Variants in ATP8A2 observed in about 807,000 individuals in gnomAD.
The protein encoded by ATP8A2 is ATPase phospholipid transporting 8A2, also known as phospholipid-transporting ATPase IB.
A neutral mutation model predicts 165.6 loss-of-function variants in ATP8A2; 100 were observed. The observed-to-expected ratio is 0.60, with a 90% CI of 0.51 to 0.71. ATP8A2 has a LOEUF of 0.71. Ranked by LOEUF, ATP8A2 falls within the 30% of genes least tolerant of loss-of-function variation. ATP8A2 has a pLI of 0.00. For synonymous variants in ATP8A2, 543 were observed against 548.8 expected (o/e 0.99, Z 0.15); for missense variants, 1,227 against 1,479.5 (o/e 0.83, Z 2.80).
intron 24 of ATP8A2, among the ~76,000 whole-genome samples, chr13:25,607,417 C>T (rs532949275): frequency 3.9e-5 from 6 of 152,176 alleles, no homozygotes; most frequent in Non-Finnish European, 7.3e-5. Flanking sequence ...CCCCTCGACT[C>T]ATATTGGGTT....
rs186297770 is a variant in ATP8A2 at position 25,433,944 on chromosome 13, T to A, written c.77-35033T>A. On this transcript the variant is annotated intron_variant, in intron 1 of 36. Transcript: ENST00000381655. ...CAGTGGGTACACATGGACATAAAGA[T>A]GGAAATAATAGATTCTGGGGGCTCC... is the stretch of plus-strand genomic sequence containing the variant. 3.6e-4 allele frequency among the ~76,000 whole-genome samples: 55 copies of A among 152,146 alleles called. No individual in the cohort carries two copies. In the South Asian group the frequency reaches 6.2e-3, roughly 17 times the overall value.
intron 24 of ATP8A2, among the ~76,000 whole-genome samples, chr13:25,652,288 G>A (rs8001943): frequency 0.035 from 5,311 of 152,138 alleles, 291 homozygotes; most frequent in African/African-American, 0.12. Flanking sequence ...TTGTTCCAGC[G>A]CCATTCATTG....
intron 27 of ATP8A2, among the ~76,000 whole-genome samples, chr13:25,805,246 C>T (rs1419330402): frequency 1.3e-5 from 2 of 151,992 alleles, no homozygotes; most frequent in Non-Finnish European, 2.9e-5. Context: ...TGGTGGCTCA[C>T]ACCTGTAATC....
chr13:25,578,010 C>T (rs959254632), intron 20 of ATP8A2, among the ~76,000 whole-genome samples: 13 of 152,242 alleles, frequency 8.5e-5, no homozygotes, highest in Admixed American at 2.0e-4. Flanking sequence ...CAATTAAGCT[C>T]ATCTAGGTTT....
Position 26,022,958 on chromosome 13 carries a change from T to C in ATP8A2, c.*2973T>C, listed in dbSNP as rs1957104327. ...ACAGACAGCCCAGTCCTGTGTTGAG[T>C]CTCTCTTCTCCTGGATGACCCTGCA... On this transcript the variant is annotated 3_prime_UTR_variant, in exon 37 of 37. Transcript: ENST00000381655. The C allele has an allele frequency of 6.6e-6, 1 of 152,232 alleles. No homozygotes were observed. Among genetic ancestry groups the C allele is most frequent in the Non-Finnish European group, 1.5e-5 (1 of 68,076 alleles). The allele number at this position is 152,232 out of a possible 1,614,324, so 9.4% of individuals were successfully genotyped here.
chr13:25,794,916 A>G (rs1250846096), intron 27 of ATP8A2, among the ~76,000 whole-genome samples: 2 of 149,868 alleles, frequency 1.3e-5, no homozygotes, highest in Admixed American at 6.7e-5. Flanking sequence ...AATCATTTTT[A>G]TGGGATTTAT....
At position 25,595,041 on chromosome 13, in the gene ATP8A2, T is replaced by C. The variant is rs533793684; in HGVS notation, c.2211+5342T>C. On this transcript the variant is annotated intron_variant, in intron 24 of 36. Coordinates refer to ENST00000381655, the MANE Select transcript of ATP8A2 (RefSeq NM_016529.6). ...GCGTATATGTATATGTATATATATA[T>C]ATAATGGAATACTACTCAGCCATAA... is the stretch of plus-strand genomic sequence containing the variant. Among the ~76,000 whole-genome samples the C allele has an allele frequency of 5.3e-5, 8 of 150,758 alleles. No homozygotes were observed. The South Asian group carries it at 1.5e-3, about 27-fold the overall frequency.
At chr13:25,453,717 GTGTTTTGATTT>G (rs1436261304) in intron 1 of ATP8A2, among the ~76,000 whole-genome samples, 1 of 152,196 alleles carries the variant, frequency 6.6e-6, no homozygotes, top group Middle Eastern at 3.2e-3. Context: ...TATAAGAAAA[GTGTTTTGATTT>G]TGTGAAGAAC....
intron 9 of ATP8A2, 38 bp downstream of exon 9, chr13:25,542,084 G>T (rs777096411): frequency 1.0e-5 from 16 of 1,588,366 alleles, no homozygotes; most frequent in African/African-American, 1.3e-5. Flanking sequence ...TTTAAACTAT[G>T]TGACTAAGAA....
chr13:26,020,429 A>C lies in ATP8A2; in HGVS notation c.*444A>C. On this transcript the variant is annotated 3_prime_UTR_variant, in exon 37 of 37. Coordinates refer to ENST00000381655, the MANE Select transcript of ATP8A2 (RefSeq NM_016529.6). ...TCAGAGGTTAAGTCCAACGGGCCAC[A>C]TGCAGACTTCACTGTAGGCAGGTTG... The C allele has an allele frequency of 6.3e-6, 1 of 157,934 alleles. No individual in the cohort carries two copies. 9.8% of individuals were successfully genotyped at this position (157,934 alleles called of 1,614,324 possible). A position where few individuals can be genotyped will look rare whatever the true frequency, so the allele number is the denominator to read the frequency against.
intron 35 of ATP8A2, among the ~76,000 whole-genome samples, chr13:25,971,935 C>T (rs1222711661): frequency 1.3e-5 from 2 of 152,132 alleles, no homozygotes; most frequent in Non-Finnish European, 2.9e-5. Flanking sequence ...TCCTCAGCAT[C>T]CCTAACCCCA....
At position 25,953,266 on chromosome 13, in the gene ATP8A2, G is replaced by C. The variant is rs888208980; in HGVS notation, c.3184-8309G>C. On this transcript the variant is annotated intron_variant, in intron 33 of 36. Coordinates refer to ENST00000381655, the MANE Select transcript of ATP8A2 (RefSeq NM_016529.6). This position sits in a 1 kb window ranked among gnomAD's most constrained non-coding sequence, Gnocchi z 6.7. ...GTGTTGCTGGGCCAACCAGCATCTT[G>C]AGGACTCAACTCTCTGGCTGCAGGT... Among the ~76,000 whole-genome samples, 19 of 152,038 alleles carry C rather than the reference G, an allele frequency of 1.2e-4. No individual in the cohort carries two copies. Among genetic ancestry groups the C allele is most frequent in the African/African-American group, 4.6e-4 (19 of 41,388 alleles).
rs115013762 is a variant in ATP8A2 at position 25,540,149 on chromosome 13, A to T, written c.582-170A>T. On this transcript the variant is annotated intron_variant, in intron 7 of 36. Transcript: ENST00000381655. ...TCTCTACTGGTACTGAGTCCCAAAG[A>T]TGAGTGTGTGTTTCCTTTTTCATCC... 2.4e-3 allele frequency among the ~76,000 whole-genome samples: 369 copies of T among 152,314 alleles called. 2 individuals carry two copies. The highest frequency in any genetic ancestry group is 8.7e-3 in the African/African-American group (361 of 41,574).
intron 2 of ATP8A2, among the ~76,000 whole-genome samples, chr13:25,490,462 G>A (rs1351655904): frequency 6.6e-6 from 1 of 152,210 alleles, no homozygotes; most frequent in Admixed American, 6.5e-5. Context: ...GCATCTCCAT[G>A]GCACAGATGA....
intron 1 of ATP8A2, among the ~76,000 whole-genome samples, chr13:25,378,740 T>C (rs1033281560): frequency 6.6e-6 from 1 of 152,228 alleles, no homozygotes; most frequent in African/African-American, 2.4e-5. Context: ...CTGACAGCAC[T>C]TGGCTGTCTC....
intron 25 of ATP8A2, among the ~76,000 whole-genome samples, chr13:25,730,414 C>T (rs1277798085): frequency 2.0e-5 from 3 of 152,144 alleles, no homozygotes; most frequent in Non-Finnish European, 2.9e-5. Context: ...GCAGTTTCAG[C>T]TATGTGTGGG....
intron 1 of ATP8A2, among the ~76,000 whole-genome samples, chr13:25,465,737 T>TTTTCTTTCTTTCCC (rs2035640489): frequency 1.8e-4 from 1 of 5,602 alleles, no homozygotes; most frequent in African/African-American, 3.2e-4. Flanking sequence ...CTTTCTTTCT[T>TTTTCTTTCTTTCCC]TCCCTCCCTC....
Position 25,579,938 on chromosome 13 carries a change from C to CAA in ATP8A2, c.1999_2000insAA (p.Ile667LysfsTer14). ...AACGGTTGGAAGAGTGTTACGAGAT[C>CAA]ATTGAGAAGGTAACCGCACACAATA... On this transcript the variant is annotated frameshift_variant, in exon 22 of 37. Coordinates refer to ENST00000381655, the MANE Select transcript of ATP8A2 (RefSeq NM_016529.6). LOFTEE classifies it high-confidence loss of function. The CAA allele has an allele frequency of 6.2e-7, 1 of 1,613,954 alleles. No homozygotes were observed. The highest frequency in any genetic ancestry group is 8.5e-7 in the Non-Finnish European group (1 of 1,179,940).
At chr13:25,726,455 T>G (rs2043495947) in intron 25 of ATP8A2, among the ~76,000 whole-genome samples, 1 of 152,254 alleles carries the variant, frequency 6.6e-6, no homozygotes, top group East Asian at 1.9e-4. Flanking sequence ...AATGTGTCCT[T>G]GCCTTTTCAG....
Sources: gnomAD v4.1 joint callset for allele counts (sites outside exome capture counted in the v4.1 genomes callset) on GRCh38, gnomAD v4.1.1 for gene constraint, Gnocchi (gnomAD v3.1) non-coding constraint, MANE v1.5 for transcripts, NCBI Gene and HGNC (gene_info 2026-07-23, HGNC 2026-07-21) for gene names.